PNKD: variants seen among roughly 807,000 people sequenced by gnomAD.
PNKD encodes PNKD metallo-beta-lactamase domain containing.
In PNKD, 36 loss-of-function variants were observed where a neutral mutation model predicts 45.3. That is an observed-to-expected ratio of 0.80 (90% CI 0.61 to 1.05). The LOEUF is 1.05. Among genes scored for constraint, PNKD ranks in the 50% least tolerant of loss-of-function variants. PNKD has a pLI of 0.00. For synonymous variants in PNKD, 197 were observed against 210.1 expected (o/e 0.94, Z 0.54); for missense variants, 511 against 506.6 (o/e 1.01, Z -0.08).
intron 2 of PNKD, among the ~76,000 whole-genome samples, chr2:218,322,808 A>G (rs543888048): frequency 1.4e-4 from 21 of 152,270 alleles, no homozygotes; most frequent in Non-Finnish European, 2.8e-4. Context: ...AGCCTGGCAG[A>G]GTGCCAAGTA....
chr2:218,289,288 C>G (rs1294581766), intron 2 of PNKD, among the ~76,000 whole-genome samples: 2 of 152,154 alleles, frequency 1.3e-5, no homozygotes, highest in Non-Finnish European at 2.9e-5. Context: ...TTGGGACTCA[C>G]TCCACTGTGA....
intron 2 of PNKD, chr2:218,323,503 G>A (rs960758673): frequency 2.7e-4 from 367 of 1,367,274 alleles, no homozygotes; most frequent in Middle Eastern, 8.7e-4. Context: ...GGGAGGCGGG[G>A]GCTGGAGCTG....
At chr2:218,296,260 T>C (rs1693137066) in intron 2 of PNKD, among the ~76,000 whole-genome samples, 2 of 152,214 alleles carry the variant, frequency 1.3e-5, no homozygotes, top group Admixed American at 1.3e-4. Flanking sequence ...AACTGGTTGG[T>C]TGTATTTTTC....
chr2:218,279,679 A>T (rs1691665721), intron 2 of PNKD: 1 of 483,750 alleles, frequency 2.1e-6, no homozygotes, highest in Non-Finnish European at 3.7e-6. Context: ...TGAGATGGAG[A>T]GGGTGGGTTA....
intron 2 of PNKD, among the ~76,000 whole-genome samples, chr2:218,303,261 C>T (rs1250925289): frequency 6.6e-6 from 1 of 152,034 alleles, no homozygotes; most frequent in Non-Finnish European, 1.5e-5. Flanking sequence ...ACCAGTCTTT[C>T]AGGTTAACTT....
intron 2 of PNKD, chr2:218,278,381 G>A: frequency 1.1e-6 from 1 of 911,286 alleles, no homozygotes; most frequent in Non-Finnish European, 1.8e-6. Flanking sequence ...AACAGTAGCT[G>A]TCATCGTCAT....
In PNKD at chr2:218,279,041, G is replaced by A. The variant is rs1217578195; in HGVS notation, c.236+7492G>A. 2.5e-6 allele frequency: 4 copies of A among 1,614,014 alleles called. No individual in the cohort carries two copies. The highest frequency in any genetic ancestry group is 3.3e-5 in the Admixed American group (2 of 60,006). The stretch of plus-strand genomic sequence containing the variant: ...CCACAGAGGAGCACACACTCACTAG[G>A]ACACGTAGTAGACAGCCACATTTCT... On this transcript the variant is annotated intron_variant, in intron 2 of 9. Transcript: ENST00000273077.
intron 2 of PNKD, chr2:218,280,166 A>T: frequency 6.9e-7 from 1 of 1,450,194 alleles, no homozygotes; most frequent in Non-Finnish European, 9.7e-7. Flanking sequence ...GGGACCTGAG[A>T]CATGTGGCGT....
At chr2:218,272,663 C>A (rs1452743789) in intron 2 of PNKD, 1 of 1,614,214 alleles carries the variant, frequency 6.2e-7, no homozygotes, top group South Asian at 1.1e-5. Flanking sequence ...CTCGGCAGAA[C>A]ATGCGGTTGT....
At chr2:218,280,160 C>G in intron 2 of PNKD, 2 of 1,499,738 alleles carry the variant, frequency 1.3e-6, no homozygotes, top group Non-Finnish European at 1.9e-6. Context: ...CAGCTGGGGA[C>G]CTGAGACATG....
intron 2 of PNKD, chr2:218,275,752 A>T: frequency 8.7e-7 from 1 of 1,148,198 alleles, no homozygotes; most frequent in Non-Finnish European, 1.2e-6. Flanking sequence ...ACAGCATAAC[A>T]TATGGGCTCT....
chr2:218,276,943 T>G, intron 2 of PNKD: 1 of 1,416,870 alleles, frequency 7.1e-7, no homozygotes, highest in East Asian at 2.3e-5. Flanking sequence ...GAGACCATGC[T>G]ATATAGGAAG....
chr2:218,282,562 A>C (rs1019794146), intron 2 of PNKD, among the ~76,000 whole-genome samples: 1 of 152,254 alleles, frequency 6.6e-6, no homozygotes, highest in African/African-American at 2.4e-5. Flanking sequence ...GGCCAGGCAC[A>C]GCCTCCTGGC....
chr2:218,323,684 G>A (rs942353030), intron 2 of PNKD, among the ~76,000 whole-genome samples: 1 of 152,080 alleles, frequency 6.6e-6, no homozygotes, highest in Admixed American at 6.5e-5. Flanking sequence ...ACGGAAGGAG[G>A]GCGTGAGAGG....
At chr2:218,276,132 C>T in intron 2 of PNKD, 1 of 1,581,282 alleles carries the variant, frequency 6.3e-7, no homozygotes, top group Non-Finnish European at 8.6e-7. Flanking sequence ...AAACCACAGG[C>T]CCACAGGCCC....
chr2:218,345,085 C>A lies in PNKD; in HGVS notation c.*104C>A. The A allele has an allele frequency of 1.2e-6, 1 of 859,084 alleles. No homozygotes were observed. The highest frequency in any genetic ancestry group is 1.8e-6 in the Non-Finnish European group (1 of 550,820). The allele number at this position is 859,084 out of a possible 1,614,324, so 53.2% of individuals were successfully genotyped here. On this transcript the variant is annotated 3_prime_UTR_variant, in exon 10 of 10. Transcript: ENST00000273077. ...GCTAACACCACCACCTCCATCGGCA[C>A]CCAAGCGGGCATCATCCCCCCACAC...
chr2:218,290,987 G>A (rs1256131188), intron 2 of PNKD, among the ~76,000 whole-genome samples: 1 of 152,200 alleles, frequency 6.6e-6, no homozygotes, highest in Non-Finnish European at 1.5e-5. Context: ...AAGTATGTGT[G>A]TTTCCCTTCT....
rs545379113 is a variant in PNKD at position 218,279,425 on chromosome 2, A to G, written c.236+7876A>G. 2.8e-5 allele frequency: 40 copies of G among 1,415,154 alleles called. No homozygotes were observed. The East Asian group carries it at 9.5e-4, about 34-fold the overall frequency. The allele number at this position is 1,415,154 out of a possible 1,614,324, so 87.7% of individuals were successfully genotyped here. On this transcript the variant is annotated intron_variant, in intron 2 of 9. Coordinates refer to ENST00000273077, the MANE Select transcript of PNKD (RefSeq NM_015488.5). ...CTGCCCCAGGAAGCTGCCAGCCCCC[A>G]GTACTTTCCTCCCACTCAAGAACCC...
chr2:218,295,730 T>G (rs1325278724), intron 2 of PNKD, among the ~76,000 whole-genome samples: 2 of 151,750 alleles, frequency 1.3e-5, no homozygotes, highest in Non-Finnish European at 2.9e-5. Context: ...AATAACCACC[T>G]AGAGGGAGTT....
Sources: allele counts gnomAD v4.1 joint callset (sites outside exome capture counted in the v4.1 genomes callset), GRCh38; gene constraint gnomAD v4.1.1; transcripts MANE v1.5; gene names NCBI Gene and HGNC (gene_info 2026-07-23, HGNC 2026-07-21).